The following PARP8 variants were observed in gnomAD, a reference collection of about 807,000 sequenced individuals.
The protein encoded by PARP8 is poly(ADP-ribose) polymerase family member 8.
In PARP8, 51 loss-of-function variants were observed where a neutral mutation model predicts 124.1. That is an observed-to-expected ratio of 0.41 (90% CI 0.33 to 0.52). The LOEUF (loss-of-function observed/expected upper bound fraction) is 0.52. PARP8 is among the 20% of genes least tolerant of loss of function. The probability of loss-of-function intolerance (pLI) is 0.21; values close to 1 mark genes in which losing one functional copy is unlikely to be tolerated. For missense variants in PARP8, 860 were observed against 1,018.9 expected, an observed-to-expected ratio of 0.84 and a Z score of 2.12; for synonymous variants, 391 against 361.5, an observed-to-expected ratio of 1.08 and a Z score of -0.93.
intron 1 of PARP8, 85 bp downstream of exon 1, chr5:50,667,271 G>C: frequency 1.4e-6 from 2 of 1,393,838 alleles, no homozygotes; most frequent in Admixed American, 3.5e-5. Context: ...GGGGTGGGGT[G>C]GAGGGTTGCA....
At chr5:50,711,417 A>G (rs756876971) in intron 2 of PARP8, among the ~76,000 whole-genome samples, 5 of 152,040 alleles carry the variant, frequency 3.3e-5, no homozygotes, top group Non-Finnish European at 5.9e-5. Flanking sequence ...TGATTGATTC[A>G]GGGCTGTCTA....
intron 9 of PARP8, among the ~76,000 whole-genome samples, chr5:50,782,394 A>G (rs1451752762): frequency 1.3e-5 from 2 of 152,340 alleles, no homozygotes; most frequent in Non-Finnish European, 1.5e-5. Context: ...ACTCCCCAAG[A>G]GATTTTTTTT....
At chr5:50,679,713 A>G (rs1254859929) in intron 2 of PARP8, among the ~76,000 whole-genome samples, 2 of 152,186 alleles carry the variant, frequency 1.3e-5, no homozygotes, top group Admixed American at 1.3e-4. Flanking sequence ...ATGAAGTGAA[A>G]TATTCTGTTG....
At chr5:50,713,422 G>A (rs1157551699) in intron 2 of PARP8, among the ~76,000 whole-genome samples, 2 of 151,866 alleles carry the variant, frequency 1.3e-5, no homozygotes, top group Non-Finnish European at 2.9e-5. Context: ...GGTATTTTTT[G>A]TAGAGATGGG....
intron 2 of PARP8, among the ~76,000 whole-genome samples, chr5:50,718,243 G>A (rs1225710568): frequency 6.6e-6 from 1 of 151,982 alleles, no homozygotes; most frequent in Non-Finnish European, 1.5e-5. Flanking sequence ...CTGGGAGTTT[G>A]ACATTAGGTA....
intron 2 of PARP8, 142 bp from the exon 3 acceptor site, chr5:50,750,009 T>A (rs949279141): frequency 1.5e-6 from 1 of 677,144 alleles, no homozygotes; most frequent in Non-Finnish European, 2.5e-6. Context: ...AAAGTGGTTT[T>A]CTAATCTGTT....
At chr5:50,709,789 AAG>A (rs1754533214) in intron 2 of PARP8, among the ~76,000 whole-genome samples, 1 of 151,188 alleles carries the variant, frequency 6.6e-6, no homozygotes, top group Admixed American at 6.6e-5. Flanking sequence ...AAGGAACCAA[AAG>A]AGAGATAAAT....
chr5:50,808,999 A>T (rs1240728391), intron 14 of PARP8, among the ~76,000 whole-genome samples: 1 of 150,710 alleles, frequency 6.6e-6, no homozygotes, highest in African/African-American at 2.4e-5. Context: ...TTATGCCAAA[A>T]AACTTTTAGT....
At chr5:50,759,622 C>CCTT in intron 3 of PARP8, 21 bp from the exon 4 acceptor site, 1 of 1,326,272 alleles carries the variant, frequency 7.5e-7, no homozygotes, top group Non-Finnish European at 9.8e-7. Context: ...CTTTCATTAT[C>CCTT]TTTTTTTTTT....
chr5:50,756,763 G>C (rs892642751), intron 3 of PARP8, among the ~76,000 whole-genome samples: 1 of 152,008 alleles, frequency 6.6e-6, no homozygotes, highest in African/African-American at 2.4e-5. Context: ...TATACATTAG[G>C]TCCCAGAACG....
At chr5:50,718,149 T>A (rs1398809919) in intron 2 of PARP8, among the ~76,000 whole-genome samples, 1 of 152,004 alleles carries the variant, frequency 6.6e-6, no homozygotes, top group Non-Finnish European at 1.5e-5. Flanking sequence ...GGGGAATTTT[T>A]AAAAATTTCA....
chr5:50,834,737 A>T, intron 24 of PARP8, 194 bp from the exon 25 acceptor site: 1 of 599,438 alleles, frequency 1.7e-6, no homozygotes, highest in Non-Finnish European at 3.0e-6. Context: ...TATTCAAATT[A>T]TAAAGTTGTT....
chr5:50,835,668 A>C (rs1367230423), intron 25 of PARP8, among the ~76,000 whole-genome samples: 1 of 152,236 alleles, frequency 6.6e-6, no homozygotes, highest in Non-Finnish European at 1.5e-5. Flanking sequence ...AAAAATTTAG[A>C]ACTGGGATGA....
At chr5:50,801,212 T>C (rs1245657526) in intron 14 of PARP8, among the ~76,000 whole-genome samples, 1 of 152,056 alleles carries the variant, frequency 6.6e-6, no homozygotes, top group Non-Finnish European at 1.5e-5. Context: ...GTGATTCTCC[T>C]GCCTCAGCCT....
chr5:50,764,692 T>C (rs2149583858), intron 7 of PARP8, among the ~76,000 whole-genome samples: 1 of 152,328 alleles, frequency 6.6e-6, no homozygotes, highest in East Asian at 1.9e-4. Flanking sequence ...AATTTTACAT[T>C]GATCTCTGTT....
chr5:50,667,131 G>A lies in PARP8; in HGVS notation c.36G>A (p.Lys12=). Residue 12 remains lysine, a synonymous_variant, in exon 1 of 26, where the codon AAG becomes AAA. Coordinates refer to ENST00000281631, the MANE Select transcript of PARP8 (RefSeq NM_024615.4). The part of the protein sequence containing the change: ...GMCSRQERIQ[K]DIDVVIQKSR... ...GTTCAAGGCAAGAGCGAATTCAGAA[G>A]GATATCGACGTCGTGATCCAGAAGT... is the stretch of plus-strand genomic sequence containing the variant. 2 of 1,596,434 alleles carry A rather than the reference G, an allele frequency of 1.3e-6. No homozygotes were observed. The highest frequency in any genetic ancestry group is 1.7e-6 in the Non-Finnish European group (2 of 1,179,760).
intron 2 of PARP8, among the ~76,000 whole-genome samples, chr5:50,681,870 T>C (rs1455059096): frequency 6.6e-6 from 1 of 152,184 alleles, no homozygotes; most frequent in African/African-American, 2.4e-5. Flanking sequence ...TTTCAGCTTG[T>C]TGCTTGTAAT....
intron 7 of PARP8, among the ~76,000 whole-genome samples, chr5:50,777,385 G>C (rs546770567): frequency 1.4e-5 from 2 of 147,798 alleles, no homozygotes; most frequent in South Asian, 4.2e-4. Flanking sequence ...AATTTTATAA[G>C]AATATCAAAA....
At chr5:50,747,435 C>T (rs1758711552) in intron 2 of PARP8, among the ~76,000 whole-genome samples, 1 of 151,668 alleles carries the variant, frequency 6.6e-6, no homozygotes, top group Non-Finnish European at 1.5e-5. Context: ...TTCAAATATT[C>T]TGTGTTTTTA....
Sources: allele counts gnomAD v4.1 joint callset (sites outside exome capture counted in the v4.1 genomes callset), GRCh38; gene constraint gnomAD v4.1.1; transcripts MANE v1.5; gene names NCBI Gene and HGNC (gene_info 2026-07-23, HGNC 2026-07-21).